Variants in HCN1 observed in about 807,000 individuals in gnomAD.
HCN1 encodes the protein hyperpolarization activated cyclic nucleotide gated potassium channel 1.
A neutral mutation model predicts 78.9 loss-of-function variants in HCN1; 13 were observed. The ratio of observed to expected loss-of-function variants is 0.16; its 90% CI spans 0.11 to 0.26. HCN1 has a LOEUF of 0.26. HCN1 is among the 10% of genes least tolerant of loss of function. HCN1 has a pLI of 1.00. For missense variants in HCN1, 810 were observed against 1,154.3 expected, an observed-to-expected ratio of 0.70 and a Z score of 4.32; for synonymous variants, 552 against 455.5, an observed-to-expected ratio of 1.21 and a Z score of -2.70.
At position 45,634,341 on chromosome 5, in the gene HCN1, C is replaced by T. The variant is rs1218313269; in HGVS notation, c.849+10844G>A. ...TATATTTCATATCTTCTATGATACT[C>T]TTGAAGATGATAAAGATCTTGAAAC... On this transcript the variant is annotated intron_variant, in intron 2 of 7. Transcript: ENST00000303230. Among the ~76,000 whole-genome samples the T allele has an allele frequency of 2.0e-5, 3 of 151,926 alleles. No individual in the cohort carries two copies. The East Asian group carries it at 5.8e-4, about 29-fold the overall frequency.
intron 2 of HCN1, among the ~76,000 whole-genome samples, chr5:45,570,763 GATAA>G (rs1001843845): frequency 1.8e-4 from 28 of 152,070 alleles, no homozygotes; most frequent in African/African-American, 4.3e-4. Context: ...TGGATAAGTA[GATAA>G]ATAGAGTACT....
chr5:45,381,684 C>G (rs895493157), intron 4 of HCN1, among the ~76,000 whole-genome samples: 1 of 152,032 alleles, frequency 6.6e-6, no homozygotes, highest in African/African-American at 2.4e-5. Flanking sequence ...TGCCACTTCT[C>G]CTGCCTGCAT....
At chr5:45,636,157 A>C (rs978416401) in intron 2 of HCN1, among the ~76,000 whole-genome samples, 1 of 152,094 alleles carries the variant, frequency 6.6e-6, no homozygotes, top group Admixed American at 6.6e-5. Context: ...GTATCATCAC[A>C]CCTTTCTTAT....
At position 45,532,311 on chromosome 5, in the gene HCN1, T is replaced by C. The variant is rs562299308; in HGVS notation, c.850-70304A>G. ...ATAGAAATGTGAAGCTACAATACTT[T>C]ATTGCTTTTATGTTTGAGCAGACAA... On this transcript the variant is annotated intron_variant, in intron 2 of 7. Coordinates refer to ENST00000303230, the MANE Select transcript of HCN1 (RefSeq NM_021072.4). 2.0e-5 allele frequency among the ~76,000 whole-genome samples: 3 copies of C among 152,364 alleles called. No homozygotes were observed. In the East Asian group the frequency reaches 5.8e-4, roughly 29 times the overall value.
chr5:45,374,849 A>AT (rs1265658039), intron 4 of HCN1, among the ~76,000 whole-genome samples: 1 of 145,940 alleles, frequency 6.9e-6, no homozygotes, highest in Non-Finnish European at 1.5e-5. Context: ...TCTTCAAGTG[A>AT]TTTTGTAAAA....
chr5:45,646,128 T>C (rs1745545905), intron 1 of HCN1, among the ~76,000 whole-genome samples: 2 of 152,106 alleles, frequency 1.3e-5, no homozygotes, highest in Non-Finnish European at 2.9e-5. Context: ...CAGATTAGTT[T>C]TGCCATGGAA....
chr5:45,455,004 T>C (rs577974099), intron 3 of HCN1, among the ~76,000 whole-genome samples: 80 of 152,214 alleles, frequency 5.3e-4, no homozygotes, highest in African/African-American at 1.9e-3. Flanking sequence ...TGAAGGTTCC[T>C]GATCTAAAGC....
intron 1 of HCN1, among the ~76,000 whole-genome samples, chr5:45,678,357 C>CA: frequency 6.6e-6 from 1 of 151,922 alleles, no homozygotes; most frequent in East Asian, 1.9e-4. Flanking sequence ...TTAGCAGACT[C>CA]AAAGTCTAAT....
intron 1 of HCN1, among the ~76,000 whole-genome samples, chr5:45,651,764 T>C (rs1378823493): frequency 1.3e-5 from 2 of 151,930 alleles, no homozygotes; most frequent in African/African-American, 4.8e-5. Context: ...AAAAGTTTCA[T>C]TGGCCAGGTT....
intron 1 of HCN1, among the ~76,000 whole-genome samples, chr5:45,685,170 GA>G (rs1263533845): frequency 1.3e-5 from 2 of 151,954 alleles, no homozygotes; most frequent in Non-Finnish European, 2.9e-5. Flanking sequence ...AAAAGAAAAG[GA>G]AAGATTTATC....
intron 2 of HCN1, among the ~76,000 whole-genome samples, chr5:45,596,043 C>G (rs1164535975): frequency 6.6e-6 from 1 of 151,760 alleles, no homozygotes; most frequent in Non-Finnish European, 1.5e-5. Context: ...CTACAGGGGA[C>G]CACAACCACA....
intron 5 of HCN1, among the ~76,000 whole-genome samples, chr5:45,315,821 G>A (rs890818638): frequency 3.3e-5 from 5 of 152,072 alleles, no homozygotes; most frequent in Non-Finnish European, 7.3e-5. Context: ...TAGAAGAAAT[G>A]GATAAATTCC....
At chr5:45,380,976 ATCTT>A (rs1204503283) in intron 4 of HCN1, among the ~76,000 whole-genome samples, 4 of 152,168 alleles carry the variant, frequency 2.6e-5, no homozygotes, top group Admixed American at 1.3e-4. Context: ...ATTAGCATCT[ATCTT>A]CAGGTACCCT....
chr5:45,373,142 A>G (rs1483223997), intron 4 of HCN1, among the ~76,000 whole-genome samples: 1 of 125,426 alleles, frequency 8.0e-6, no homozygotes, highest in Non-Finnish European at 1.6e-5. Flanking sequence ...TATATAGTAT[A>G]TAATATATAT....
intron 3 of HCN1, among the ~76,000 whole-genome samples, chr5:45,413,052 C>A (rs1424826091): frequency 6.6e-6 from 1 of 151,946 alleles, no homozygotes; most frequent in East Asian, 1.9e-4. Flanking sequence ...TTTTTATTCT[C>A]TAATCGATTA....
intron 4 of HCN1, among the ~76,000 whole-genome samples, chr5:45,363,154 A>ATATATATATG (rs1173315930): frequency 7.2e-6 from 1 of 138,888 alleles, no homozygotes; most frequent in African/African-American, 3.0e-5. Flanking sequence ...ACATATATAT[A>ATATATATATG]TATATATATA....
At chr5:45,266,704 A>ACTTT (rs1554014620) in intron 7 of HCN1, among the ~76,000 whole-genome samples, 2 of 136,638 alleles carry the variant, frequency 1.5e-5, no homozygotes, top group African/African-American at 5.4e-5. Context: ...GGCATGTGGG[A>ACTTT]TTTTTTTTTT....
intron 2 of HCN1, among the ~76,000 whole-genome samples, chr5:45,464,345 C>T (rs940458897): frequency 6.6e-6 from 1 of 152,076 alleles, no homozygotes; most frequent in Non-Finnish European, 1.5e-5. Flanking sequence ...AGATTCAAGC[C>T]TATCTGCTAC....
intron 2 of HCN1, among the ~76,000 whole-genome samples, chr5:45,578,743 T>C (rs1186195557): frequency 6.6e-6 from 1 of 151,948 alleles, no homozygotes; most frequent in African/African-American, 2.4e-5. Flanking sequence ...CATAGAGCAA[T>C]TAACAAACAG....
Sources: allele counts gnomAD v4.1 joint callset (sites outside exome capture counted in the v4.1 genomes callset), GRCh38; gene constraint gnomAD v4.1.1; transcripts MANE v1.5; gene names NCBI Gene and HGNC (gene_info 2026-07-23, HGNC 2026-07-21).